HEATR1: variants seen among roughly 807,000 people sequenced by gnomAD.
HEATR1 encodes the protein HEAT repeat containing 1.
In HEATR1, 77 loss-of-function variants were observed where a neutral mutation model predicts 248.2. The observed-to-expected ratio is 0.31, with a 90% CI of 0.26 to 0.37. The LOEUF (loss-of-function observed/expected upper bound fraction) is 0.37. HEATR1 is among the 10% of genes least tolerant of loss of function. HEATR1 has a pLI of 1.00. For synonymous variants in HEATR1, 897 were observed against 923.1 expected, an observed-to-expected ratio of 0.97 and a Z score of 0.51; for missense variants, 2,420 against 2,504.9, an observed-to-expected ratio of 0.97 and a Z score of 0.72.
At position 236,582,688 on chromosome 1, in the gene HEATR1, A is replaced by G. The variant is rs374128941; in HGVS notation, c.2562+48T>C. 2.1e-5 allele frequency: 33 copies of G among 1,601,790 alleles called. 1 individual carries two copies. The highest frequency in any genetic ancestry group is 8.8e-5 in the South Asian group (8 of 90,772). On this transcript the variant is annotated intron_variant, in intron 19 of 44. Transcript: ENST00000366582. ...AAAGTGCTGGGATTGCAGGCCAGCC[A>G]TATCTTCTTTAAGGGTAGAGTACGC...
intron 44 of HEATR1, 130 bp from the exon 45 acceptor site, chr1:236,551,120 TTAAC>T (rs1258987466): frequency 1.4e-6 from 1 of 739,058 alleles, no homozygotes; most frequent in Non-Finnish European, 2.1e-6. Context: ...ATGAAGCACA[TTAAC>T]AAAGCAGGAG....
intron 26 of HEATR1, 69 bp downstream of exon 26, chr1:236,572,342 A>G: frequency 6.8e-7 from 1 of 1,466,474 alleles, no homozygotes; most frequent in Non-Finnish European, 9.5e-7. Context: ...TGTTGAAAAG[A>G]GAATGTTAGA....
At position 236,574,835 on chromosome 1, in the gene HEATR1, A is replaced by G; in HGVS notation, c.3153T>C (p.Ala1051=). ...GAACCATGGCCTCATCTTTCAGCACAGCTGTGGGCTCCTTCTGGATCTTTT... is the reference window on the plus strand; with the variant it reads ...GAACCATGGCCTCATCTTTCAGCACGGCTGTGGGCTCCTTCTGGATCTTTT... The part of the protein sequence containing the change: ...LLEKIQKEPT[A]VLKDEAMVLH... The change falls in exon 23 of 45, where the codon GCT becomes GCC. Residue 1051 remains alanine, a synonymous_variant. Coordinates refer to ENST00000366582, the MANE Select transcript of HEATR1 (RefSeq NM_018072.6). 3 of 1,613,980 alleles carry G rather than the reference A, an allele frequency of 1.9e-6. No homozygotes were observed. Among genetic ancestry groups the G allele is most frequent in the Non-Finnish European group, 2.5e-6 (3 of 1,179,840 alleles).
intron 1 of HEATR1, 120 bp downstream of exon 1, chr1:236,604,302 G>C: frequency 2.1e-6 from 1 of 467,782 alleles, no homozygotes; most frequent in Non-Finnish European, 3.6e-6. Flanking sequence ...AATTACAGTA[G>C]CGGCGACCGC....
intron 29 of HEATR1, 124 bp downstream of exon 29, chr1:236,568,872 C>A (rs1663341940): frequency 4.2e-6 from 2 of 481,814 alleles, no homozygotes; most frequent in Non-Finnish European, 3.1e-6. Context: ...TTTTATACAA[C>A]TGTTGAGGAT....
At chr1:236,597,597 T>C (rs1424499427) in intron 5 of HEATR1, among the ~76,000 whole-genome samples, 2 of 152,004 alleles carry the variant, frequency 1.3e-5, no homozygotes, top group Non-Finnish European at 2.9e-5. Flanking sequence ...ATTCCCGACA[T>C]TTCTAGACAC....
intron 37 of HEATR1, 120 bp from the exon 38 acceptor site, chr1:236,556,378 T>C (rs1392822788): frequency 3.9e-6 from 4 of 1,025,324 alleles, no homozygotes; most frequent in Non-Finnish European, 5.7e-6. Flanking sequence ...ACTTTTTAAC[T>C]ACACACAGAA....
chr1:236,584,410 G>A (rs1055155838), intron 17 of HEATR1, among the ~76,000 whole-genome samples: 12 of 152,194 alleles, frequency 7.9e-5, no homozygotes, highest in South Asian at 2.1e-4. Flanking sequence ...GCGGGTATAC[G>A]TAAATGTGAA....
chr1:236,559,535 C>T (rs1663066522), intron 34 of HEATR1, among the ~76,000 whole-genome samples, 179 bp downstream of exon 34: 1 of 152,058 alleles, frequency 6.6e-6, no homozygotes, highest in Non-Finnish European at 1.5e-5. Context: ...GGTAAGGAAA[C>T]AATTTTTTCC....
intron 35 of HEATR1, among the ~76,000 whole-genome samples, 171 bp downstream of exon 35, chr1:236,558,824 T>C (rs1572033241): frequency 6.6e-6 from 1 of 152,200 alleles, no homozygotes; most frequent in Non-Finnish European, 1.5e-5. Flanking sequence ...ACAACACACA[T>C]ATATTCCCGT....
At chr1:236,593,826 G>C (rs1664105996) in intron 9 of HEATR1, among the ~76,000 whole-genome samples, 186 bp downstream of exon 9, 1 of 152,088 alleles carries the variant, frequency 6.6e-6, no homozygotes, top group South Asian at 2.1e-4. Flanking sequence ...CTAAAGACAT[G>C]CAAGAAAAAT....
At chr1:236,588,560 C>A (rs951692346) in intron 12 of HEATR1, among the ~76,000 whole-genome samples, 4 of 152,304 alleles carry the variant, frequency 2.6e-5, no homozygotes, top group African/African-American at 9.6e-5. Flanking sequence ...ACACATAGTA[C>A]TGTTAAAAGC....
intron 37 of HEATR1, among the ~76,000 whole-genome samples, 197 bp from the exon 38 acceptor site, chr1:236,556,455 G>A (rs184078423): frequency 1.3e-4 from 20 of 152,346 alleles, no homozygotes; most frequent in East Asian, 7.7e-4. Context: ...CCCAACTTGC[G>A]ATCAGGGACG....
rs201126687 is a variant in HEATR1, at chr1:236,595,989, T to G, written c.800A>C (p.Gln267Pro). ...YRAATYMIICQISVKVTMENT... is the reference protein window; with the variant it reads ...YRAATYMIICPISVKVTMENT... Reference sequence around the variant, plus strand: ...TTCCATGGTCACTTTCACAGAAATCTGACATATTATCATGTATGTTGCAGC... The same window carrying G: ...TTCCATGGTCACTTTCACAGAAATCGGACATATTATCATGTATGTTGCAGC... Residue 267 changes from glutamine to proline, a missense_variant, in exon 7 of 45, where the codon CAG becomes CCG. Physicochemically the swap from Gln to Pro is moderately conservative, Grantham distance 76 (BLOSUM62 -1). Transcript: ENST00000366582. 3 of 1,613,902 alleles carry G rather than the reference T, an allele frequency of 1.9e-6. No homozygotes were observed. Among genetic ancestry groups the G allele is most frequent in the Non-Finnish European group, 2.5e-6 (3 of 1,179,800 alleles).
intron 19 of HEATR1, among the ~76,000 whole-genome samples, chr1:236,582,114 AT>A (rs1379966246): frequency 6.6e-6 from 1 of 151,332 alleles, no homozygotes; most frequent in Non-Finnish European, 1.5e-5. Flanking sequence ...TTTATTTATT[AT>A]TTTTTTTGAG....
intron 26 of HEATR1, 125 bp from the exon 27 acceptor site, chr1:236,571,811 C>A (rs942687913): frequency 4.4e-6 from 3 of 689,258 alleles, no homozygotes; most frequent in African/African-American, 3.6e-5. Flanking sequence ...AACTAAAATA[C>A]TATCATTAAA....
chr1:236,596,992 C>T lies in HEATR1; in HGVS notation c.604-16G>A. 6.2e-7 allele frequency: 1 copy of T among 1,608,302 alleles called. No individual in the cohort carries two copies. Among genetic ancestry groups the T allele is most frequent in the Non-Finnish European group, 8.5e-7 (1 of 1,178,252 alleles). On this transcript the variant is annotated splice_polypyrimidine_tract_variant and intron_variant, in intron 5 of 44. Transcript: ENST00000366582. ...CAGCAAAAACCTGAAACAAGGAACA[C>T]AAACAAAACACATTTAACAGTGAAA...
rs190262248 is a variant in HEATR1 at position 236,583,257 on chromosome 1, G to A, written c.2242-61C>T. 8 of 1,395,414 alleles carry A rather than the reference G, an allele frequency of 5.7e-6. No homozygotes were observed. The East Asian group carries it at 1.8e-4, about 32-fold the overall frequency. 86.4% of individuals were successfully genotyped at this position (1,395,414 alleles called of 1,614,324 possible). ...TAAGGGTTCTGAACATGGGTTATAT[G>A]AATTCCTCTGCATAATATGCAAAAG... On this transcript the variant is annotated intron_variant, in intron 17 of 44. Transcript: ENST00000366582.
rs1663139712 is a variant in HEATR1 at position 236,561,770 on chromosome 1, G to A, written c.4600-499C>T. 2.0e-5 allele frequency among the ~76,000 whole-genome samples: 3 copies of A among 152,160 alleles called. No individual in the cohort carries two copies. In the East Asian group the frequency reaches 5.8e-4, roughly 29 times the overall value. ...AACATATTTTTGAGATCTATGCATGGTGACTTATGTTCTAGTTCCTTCATT... is the reference window on the plus strand; with the variant it reads ...AACATATTTTTGAGATCTATGCATGATGACTTATGTTCTAGTTCCTTCATT... On this transcript the variant is annotated intron_variant, in intron 32 of 44. Coordinates refer to ENST00000366582, the MANE Select transcript of HEATR1 (RefSeq NM_018072.6).
Sources: gnomAD v4.1 joint callset for allele counts (sites outside exome capture counted in the v4.1 genomes callset) on GRCh38, gnomAD v4.1.1 for gene constraint, MANE v1.5 for transcripts, NCBI Gene and HGNC (gene_info 2026-07-23, HGNC 2026-07-21) for gene names.